EXOSC8: variants seen among roughly 807,000 people sequenced by gnomAD.
EXOSC8 encodes exosome complex component RRP43.
A neutral mutation model predicts 39.9 loss-of-function variants in EXOSC8; 37 were observed. The ratio of observed to expected loss-of-function variants is 0.93; its 90% CI spans 0.71 to 1.22. The LOEUF is 1.22. Among genes scored for constraint, EXOSC8 ranks in the 50% most tolerant of loss-of-function variants. The probability of loss-of-function intolerance (pLI) is 0.00; values close to 1 mark genes in which losing one functional copy is unlikely to be tolerated. For missense variants in EXOSC8, 313 were observed against 326.6 expected, an observed-to-expected ratio of 0.96 and a Z score of 0.32; for synonymous variants, 93 against 109.5, an observed-to-expected ratio of 0.85 and a Z score of 0.94.
chr13:37,009,327 T>C lies in EXOSC8; in HGVS notation c.*28T>C. 1 of 1,286,166 alleles carries C rather than the reference T, an allele frequency of 7.8e-7. No homozygotes were observed. The highest frequency in any genetic ancestry group is 2.3e-5 in the East Asian group (1 of 43,102). 79.7% of individuals were successfully genotyped at this position (1,286,166 alleles called of 1,614,324 possible). On this transcript the variant is annotated 3_prime_UTR_variant, in exon 11 of 11. Transcript: ENST00000389704. ...AGCCACCACATTTTCAAAACAGATT[T>C]GTAAAAATTGTATTTGTTAACACTG... is the stretch of plus-strand genomic sequence containing the variant.
chr13:37,007,330 A>G (rs888979727), intron 8 of EXOSC8, among the ~76,000 whole-genome samples: 8 of 152,214 alleles, frequency 5.3e-5, no homozygotes, highest in East Asian at 1.9e-4. Flanking sequence ...GAAGGAGACA[A>G]GAGTTGTAAC....
intron 7 of EXOSC8, among the ~76,000 whole-genome samples, chr13:37,006,432 A>T (rs2059139554): frequency 6.6e-6 from 1 of 152,150 alleles, no homozygotes; most frequent in African/African-American, 2.4e-5. Flanking sequence ...TTTAAAGTTC[A>T]ATCATTTTTT....
chr13:37,006,546 T>TA (rs1308468093), intron 7 of EXOSC8, among the ~76,000 whole-genome samples: 2 of 152,172 alleles, frequency 1.3e-5, no homozygotes, highest in Non-Finnish European at 2.9e-5. Flanking sequence ...CTAGGTTGAT[T>TA]AGAACCTAGA....
At chr13:37,008,448 T>C (rs1202568528) in intron 9 of EXOSC8, among the ~76,000 whole-genome samples, 2 of 152,246 alleles carry the variant, frequency 1.3e-5, no homozygotes, top group African/African-American at 2.4e-5. Flanking sequence ...CCAAGGATTT[T>C]AGCACGTTCA....
chr13:37,002,837 G>A (rs2059115420), intron 3 of EXOSC8, 97 bp from the exon 4 acceptor site: 8 of 826,254 alleles, frequency 9.7e-6, no homozygotes, highest in South Asian at 1.5e-5. Flanking sequence ...CAAGATAATC[G>A]TACACAGCAA....
intron 2 of EXOSC8, 43 bp downstream of exon 2, chr13:37,002,352 C>T: frequency 6.6e-7 from 1 of 1,515,028 alleles, no homozygotes; most frequent in Non-Finnish European, 9.1e-7. Context: ...TGATAACGAG[C>T]TGCTTTTAAA....
Position 37,004,709 on chromosome 13 carries a change from CGT to C in EXOSC8, c.238+153_238+154del, listed in dbSNP as rs2059127100. The stretch of plus-strand genomic sequence containing the variant: ...TAAAACAAATTCCTCAAAAGTTTTC[CGT>C]GTGTTAGTAAAAGATAGCATAATAG... On this transcript the variant is annotated intron_variant, in intron 5 of 10. Coordinates refer to ENST00000389704, the MANE Select transcript of EXOSC8 (RefSeq NM_181503.3). The C allele has an allele frequency of 1.6e-5, 9 of 572,258 alleles. No individual in the cohort carries two copies. The Admixed American group carries it at 2.3e-4, about 15-fold the overall frequency. 35.4% of individuals were successfully genotyped at this position (572,258 alleles called of 1,614,324 possible).
intron 4 of EXOSC8, 126 bp downstream of exon 4, chr13:37,003,133 C>A: frequency 1.6e-6 from 1 of 627,108 alleles, no homozygotes; most frequent in Non-Finnish European, 2.8e-6. Context: ...TGTTTAATTT[C>A]CCAAGAGCTT....
chr13:37,002,964 T>G lies in EXOSC8; in HGVS notation c.149T>G (p.Leu50Ter), dbSNP rs1315133479. The G allele has an allele frequency of 1.9e-6, 3 of 1,611,390 alleles. No homozygotes were observed. The highest frequency in any genetic ancestry group is 2.7e-5 in the African/African-American group (2 of 74,878). ...GSISTADGSA[L>*]VKLGNTTVIC... is the part of the protein sequence containing the mutation. ...ATTAGTACCGCAGATGGTTCTGCTT[T>G]AGTGAAGTTGGGAAATACTACAGTA... The change falls in exon 4 of 11, where the codon TTA becomes TGA. Residue 50 changes from leucine (L) to a stop codon, truncating the protein, a stop_gained. Coordinates refer to ENST00000389704, the MANE Select transcript of EXOSC8 (RefSeq NM_181503.3). LOFTEE classifies it high-confidence loss of function.
intron 1 of EXOSC8, 57 bp from the exon 2 acceptor site, chr13:37,002,216 G>A: frequency 7.5e-7 from 1 of 1,334,030 alleles, no homozygotes; most frequent in Non-Finnish European, 1.1e-6. Flanking sequence ...GCCAATTTCT[G>A]GATTTATGTT....
chr13:37,001,056 G>A (rs1323746345), intron 1 of EXOSC8, among the ~76,000 whole-genome samples: 1 of 152,190 alleles, frequency 6.6e-6, no homozygotes, highest in African/African-American at 2.4e-5. Flanking sequence ...TACCCGCTGC[G>A]AGCGCTCGTG....
chr13:37,009,508 T>TC lies in EXOSC8; in HGVS notation c.*212dup, dbSNP rs1461780207. On this transcript the variant is annotated 3_prime_UTR_variant, in exon 11 of 11. Coordinates refer to ENST00000389704, the MANE Select transcript of EXOSC8 (RefSeq NM_181503.3). ...ACCAACCCTAGTTTGTTAAACCATT[T>TC]CCCTGTTTTTATTTAAAAATGATAA... The TC allele has an allele frequency of 1.3e-4, 126 of 959,226 alleles. No homozygotes were observed. In the East Asian group the frequency reaches 2.7e-3, roughly 21 times the overall value. The allele number at this position is 959,226 out of a possible 1,614,324, so 59.4% of individuals were successfully genotyped here. A position where few individuals can be genotyped will look rare whatever the true frequency, so the allele number is the denominator to read the frequency against.
rs2059227550 is a variant in EXOSC8 at position 37,009,596 on chromosome 13, A to C, written c.*297A>C. On this transcript the variant is annotated 3_prime_UTR_variant, in exon 11 of 11. Coordinates refer to ENST00000389704, the MANE Select transcript of EXOSC8 (RefSeq NM_181503.3). ...GTAAAATACTGACACATTAAAAAAA[A>C]CAAAAAGTAGAAACTCAATTCTTTT... The C allele has an allele frequency of 1.9e-6, 3 of 1,575,486 alleles. No individual in the cohort carries two copies. The highest frequency in any genetic ancestry group is 1.3e-5 in the African/African-American group (1 of 74,214).
At position 37,002,151 on chromosome 13, in the gene EXOSC8, C is replaced by A. The variant is rs1279984801; in HGVS notation, c.18-122C>A. On this transcript the variant is annotated intron_variant, in intron 1 of 10. Coordinates refer to ENST00000389704, the MANE Select transcript of EXOSC8 (RefSeq NM_181503.3). ...CAAGGATTTTTACTTTCTAGAATTACTTTTAGTTAAAAAGTTGTGGAGATT... is the reference window on the plus strand; with the variant it reads ...CAAGGATTTTTACTTTCTAGAATTAATTTTAGTTAAAAAGTTGTGGAGATT... The A allele has an allele frequency of 5.9e-6, 4 of 674,186 alleles. No individual in the cohort carries two copies. In the African/African-American group the frequency reaches 7.2e-5, roughly 12 times the overall value. The allele number at this position is 674,186 out of a possible 1,614,324, so 41.8% of individuals were successfully genotyped here. A position where few individuals can be genotyped will look rare whatever the true frequency, so the allele number is the denominator to read the frequency against.
intron 7 of EXOSC8, 66 bp downstream of exon 7, chr13:37,006,226 A>G: frequency 4.6e-6 from 5 of 1,082,746 alleles, no homozygotes; most frequent in Non-Finnish European, 6.9e-6. Context: ...TGTGGGGGAA[A>G]GTGAACAAGG....
chr13:37,007,055 A>G lies in EXOSC8; in HGVS notation c.471A>G (p.Leu157=), dbSNP rs749172474. The G allele has an allele frequency of 1.9e-6, 3 of 1,611,542 alleles. No individual in the cohort carries two copies. In the East Asian group the frequency reaches 6.7e-5, roughly 36 times the overall value. Residue 157 remains leucine (L), a synonymous_variant, in exon 8 of 11, where the codon CTA becomes CTG. Coordinates refer to ENST00000389704, the MANE Select transcript of EXOSC8 (RefSeq NM_181503.3). ...TGGATGCCTGCACATTTGCTTTGCT[A>G]GCGGCTTTAAAAAATGGTAAGCAGC... ...NILDACTFAL[L]AALKNVQLPE...
rs915746741 is a variant in EXOSC8, at chr13:37,009,290, A to T, written c.822A>T (p.Lys274Asn). 1 of 1,550,586 alleles carries T rather than the reference A, an allele frequency of 6.4e-7. No individual in the cohort carries two copies. ...TGGATGAAGTAATTAAGAGTATGAA[A>T]CCCAAATAAACAGCCACCACATTTT... is the stretch of plus-strand genomic sequence containing the variant. Reference protein sequence around the residue: ...KLMDEVIKSMKPK With the variant: ...KLMDEVIKSMNPK Residue 274 changes from lysine (K) to asparagine (N), a missense_variant, in exon 11 of 11, where the codon AAA (lysine) becomes AAT (asparagine). Physicochemically the swap from Lys to Asn is moderately conservative, Grantham distance 94. Coordinates refer to ENST00000389704, the MANE Select transcript of EXOSC8 (RefSeq NM_181503.3).
At chr13:37,002,374 A>T (rs1177570136) in intron 2 of EXOSC8, 65 bp downstream of exon 2, 3 of 1,454,676 alleles carry the variant, frequency 2.1e-6, no homozygotes, top group Admixed American at 1.7e-5. Context: ...ATGAATTTCA[A>T]GTAATTTAAA....
Position 37,007,015 on chromosome 13 carries a change from A to G in EXOSC8, c.431A>G (p.Tyr144Cys). The change falls in exon 8 of 11, where the codon TAC becomes TGC. Residue 144 changes from tyrosine (Y) to cysteine (C), a missense_variant. Transcript: ENST00000389704. Reference protein sequence around the residue: ...VLYCDLICLDYDGNILDACTF... With the variant: ...VLYCDLICLDCDGNILDACTF... ...TACTGTGATCTCATTTGCCTCGACT[A>G]CGATGGAAACATTTTGGATGCCTGC... is the stretch of plus-strand genomic sequence containing the variant. The G allele has an allele frequency of 6.2e-7, 1 of 1,613,522 alleles. No homozygotes were observed. The highest frequency in any genetic ancestry group is 8.5e-7 in the Non-Finnish European group (1 of 1,179,418).
Sources: allele counts gnomAD v4.1 joint callset (sites outside exome capture counted in the v4.1 genomes callset), GRCh38; gene constraint gnomAD v4.1.1; transcripts MANE v1.5; gene names NCBI Gene and HGNC (gene_info 2026-07-23, HGNC 2026-07-21).